The following EIF4G3 variants were observed in gnomAD, a reference collection of about 807,000 sequenced individuals.
EIF4G3 encodes the protein eIF-4-gamma 3.
EIF4G3 carries 34 observed loss-of-function variants against 186.4 expected under a neutral mutation model. The observed-to-expected ratio is 0.18, with a 90% CI of 0.14 to 0.24. The LOEUF (loss-of-function observed/expected upper bound fraction) is 0.24, where lower values mean the gene tolerates loss of function less well. Among genes scored for constraint, EIF4G3 ranks in the 10% least tolerant of loss-of-function variants. The pLI is 1.00. For missense variants in EIF4G3, 1,536 were observed against 1,948.5 expected (o/e 0.79, Z 3.99); for synonymous variants, 673 against 679.5 (o/e 0.99, Z 0.15).
chr1:20,845,520 G>A (rs1323492514), intron 29 of EIF4G3, among the ~76,000 whole-genome samples: 1 of 152,006 alleles, frequency 6.6e-6, no homozygotes, highest in Admixed American at 6.6e-5. Flanking sequence ...AAATTAGCCG[G>A]GCATGGTGGC....
chr1:21,172,365 T>C (rs1217456861), intron 2 of EIF4G3, among the ~76,000 whole-genome samples: 1 of 152,134 alleles, frequency 6.6e-6, no homozygotes, highest in African/African-American at 2.4e-5. Flanking sequence ...TCATGACGTT[T>C]TGTTTACCCA....
At chr1:20,929,522 AAAGATC>A (rs1167939642) in intron 14 of EIF4G3, 18 of 152,330 alleles carry the variant, frequency 1.2e-4, no homozygotes, top group African/African-American at 3.8e-4. Context: ...TCCTCAGGGC[AAAGATC>A]ATGATATCCA....
intron 2 of EIF4G3, among the ~76,000 whole-genome samples, chr1:21,114,210 G>A (rs895804020): frequency 4.6e-5 from 7 of 151,178 alleles, no homozygotes; most frequent in Admixed American, 2.0e-4. Flanking sequence ...GCAGTGGCGC[G>A]ATCTCGCCTC....
At chr1:20,851,570 G>C in intron 27 of EIF4G3, 92 bp from the exon 28 acceptor site, 1 of 1,246,384 alleles carries the variant, frequency 8.0e-7, no homozygotes, top group South Asian at 1.4e-5. Context: ...CTTTCTGAAA[G>C]TATACAGAAT....
At chr1:21,073,541 T>A in intron 3 of EIF4G3, 1 of 389,030 alleles carries the variant, frequency 2.6e-6, no homozygotes, top group Admixed American at 2.9e-5. Context: ...CTGAATACAT[T>A]TCATGGTTCA....
chr1:20,954,361 C>G (rs1323482581), intron 12 of EIF4G3, among the ~76,000 whole-genome samples: 2 of 151,720 alleles, frequency 1.3e-5, no homozygotes, highest in Non-Finnish European at 2.9e-5. Flanking sequence ...GATGGTGAAA[C>G]CCCATCTCCA....
At chr1:20,884,140 A>C (rs1294542951) in intron 19 of EIF4G3, among the ~76,000 whole-genome samples, 1 of 152,252 alleles carries the variant, frequency 6.6e-6, no homozygotes, top group African/African-American at 2.4e-5. Context: ...AAGAAAAAAG[A>C]AGGTTGTACT....
Position 21,024,761 on chromosome 1 carries a change from C to A in EIF4G3, c.-66-21953G>T, listed in dbSNP as rs574935488. Among the ~76,000 whole-genome samples the A allele has an allele frequency of 5.1e-3, 764 of 149,008 alleles. 8 individuals are homozygous for A. The highest frequency in any genetic ancestry group is 0.018 in the African/African-American group (735 of 40,414). On this transcript the variant is annotated intron_variant, in intron 4 of 36. Coordinates refer to ENST00000602326, the MANE Select transcript of EIF4G3 (RefSeq NM_001391906.1). ...CAGGGACACAAACACTGCAGAAGGC[C>A]GCAGGGTCCTCTGCCTAGGAAAACC...
At chr1:20,986,758 A>AAAAG (rs1330263435) in intron 7 of EIF4G3, among the ~76,000 whole-genome samples, 3 of 148,060 alleles carry the variant, frequency 2.0e-5, no homozygotes, top group Non-Finnish European at 4.6e-5. Context: ...AAAAAAAAAA[A>AAAAG]AAAAAAAAAA....
chr1:20,861,191 T>C (rs1356471537), intron 23 of EIF4G3, among the ~76,000 whole-genome samples: 2 of 152,216 alleles, frequency 1.3e-5, no homozygotes, highest in Non-Finnish European at 2.9e-5. Flanking sequence ...TAAAGAATCA[T>C]CATCAATGCT....
At chr1:21,173,805 G>A (rs2098042146) in intron 2 of EIF4G3, among the ~76,000 whole-genome samples, 3 of 152,324 alleles carry the variant, frequency 2.0e-5, no homozygotes, top group South Asian at 4.1e-4. Context: ...CTCCAGCTAT[G>A]CACTCCTGCC....
At chr1:21,037,264 A>G (rs2093282410) in intron 4 of EIF4G3, among the ~76,000 whole-genome samples, 1 of 151,934 alleles carries the variant, frequency 6.6e-6, no homozygotes, top group African/African-American at 2.4e-5. Context: ...CTATTGCGCC[A>G]AATAAAGCAT....
At chr1:21,168,037 T>G (rs751399967) in intron 2 of EIF4G3, 3 of 470,530 alleles carry the variant, frequency 6.4e-6, no homozygotes, top group East Asian at 7.0e-5. Context: ...GAAAAAATAT[T>G]CCCAAGAAAA....
At chr1:20,909,630 A>C (rs1386477380) in intron 14 of EIF4G3, among the ~76,000 whole-genome samples, 1 of 152,048 alleles carries the variant, frequency 6.6e-6, no homozygotes, top group Non-Finnish European at 1.5e-5. Context: ...TCACCTATTT[A>C]GTTTTATACT....
intron 2 of EIF4G3, among the ~76,000 whole-genome samples, chr1:21,157,362 G>T (rs971615948): frequency 4.0e-5 from 6 of 150,382 alleles, no homozygotes; most frequent in Non-Finnish European, 5.9e-5. Context: ...TTTTCTTGTA[G>T]TTTTTTTTTG....
Position 20,814,930 on chromosome 1 carries a change from G to A in EIF4G3, c.4516-1691C>T, listed in dbSNP as rs1372197818. Among the ~76,000 whole-genome samples, 7 of 101,414 alleles carry A rather than the reference G, an allele frequency of 6.9e-5. No homozygotes were observed. The East Asian group carries it at 1.3e-3, about 18-fold the overall frequency. The allele number at this position is 101,414 out of a possible 152,430, so 66.5% of individuals were successfully genotyped here. ...GCCGAGTGCCTGCGATTGCAGGCGC[G>A]CGCTGCCACGCCTGACTGGTTTTCG... On this transcript the variant is annotated intron_variant, in intron 34 of 36. Coordinates refer to ENST00000602326, the MANE Select transcript of EIF4G3 (RefSeq NM_001391906.1).
rs144647899 is a variant in EIF4G3 at position 20,808,676 on chromosome 1, G to A, written c.4745-1176C>T. Among the ~76,000 whole-genome samples, 511 of 152,036 alleles carry A rather than the reference G, an allele frequency of 3.4e-3. 4 individuals carry two copies. The highest frequency in any genetic ancestry group is 0.012 in the African/African-American group (481 of 41,502). On this transcript the variant is annotated intron_variant, in intron 36 of 36. Transcript: ENST00000602326. ...AGCCTGGGTGACAGAGCGAGAGTCC[G>A]TCTCAAAAAAGAACAAGAGGTGATC...
intron 16 of EIF4G3, 82 bp downstream of exon 16, chr1:20,899,615 A>G: frequency 3.3e-6 from 5 of 1,500,886 alleles, no homozygotes; most frequent in Non-Finnish European, 4.5e-6. Context: ...TCCATCCAGT[A>G]TCTCTCTAAA....
In EIF4G3 at chr1:20,890,129, C is replaced by T. The variant is rs117793563; in HGVS notation, c.2253+3388G>A. Reference sequence around the variant, plus strand: ...CTGGGATTACAGACATGTACCACCACGCCTGGCTAATTTTCACATTTTTAG... The same window carrying T: ...CTGGGATTACAGACATGTACCACCATGCCTGGCTAATTTTCACATTTTTAG... On this transcript the variant is annotated intron_variant, in intron 18 of 36. Coordinates refer to ENST00000602326, the MANE Select transcript of EIF4G3 (RefSeq NM_001391906.1). Among the ~76,000 whole-genome samples, 628 of 152,062 alleles carry T rather than the reference C, an allele frequency of 4.1e-3. 18 individuals carry two copies. In the East Asian group the frequency reaches 0.085, roughly 20 times the overall value.
Sources: allele counts gnomAD v4.1 joint callset (sites outside exome capture counted in the v4.1 genomes callset), GRCh38; gene constraint gnomAD v4.1.1; transcripts MANE v1.5; gene names NCBI Gene and HGNC (gene_info 2026-07-23, HGNC 2026-07-21).